Variants in RANBP2 observed in about 807,000 individuals in gnomAD.
RANBP2 encodes E3 SUMO-protein ligase RanBP2.
Under a neutral mutation model 303.6 loss-of-function variants are expected in RANBP2, and 57 were observed. That is an observed-to-expected ratio of 0.19 (90% CI 0.15 to 0.23). The LOEUF (loss-of-function observed/expected upper bound fraction) is 0.23, where lower values mean the gene tolerates loss of function less well. Ranked by LOEUF, RANBP2 falls within the 10% of genes least tolerant of loss-of-function variation. The probability of loss-of-function intolerance (pLI) is 1.00; values close to 1 mark genes in which losing one functional copy is unlikely to be tolerated. For missense variants in RANBP2, 3,138 were observed against 3,780.8 expected (o/e 0.83, Z 4.46); for synonymous variants, 1,167 against 1,301.5 (o/e 0.90, Z 2.23).
At chr2:109,106,289 A>G in the RANBP2 span, among the ~76,000 whole-genome samples, 1 of 152,190 alleles carries the variant, frequency 6.6e-6, no homozygotes, top group Non-Finnish European at 1.5e-5. Context: ...CTGCAGACCC[A>G]TATGGATTTG....
At chr2:108,729,056 A>G (rs1694963559) in intron 1 of RANBP2, 76 bp from the exon 2 acceptor site, 2 of 1,483,924 alleles carry the variant, frequency 1.3e-6, no homozygotes, top group Non-Finnish European at 1.8e-6. Flanking sequence ...AACTTAGGAC[A>G]GATTTTTACT....
At chr2:109,469,459 C>T in the RANBP2 span, among the ~76,000 whole-genome samples, 2 of 152,314 alleles carry the variant, frequency 1.3e-5, no homozygotes, top group African/African-American at 4.8e-5. Flanking sequence ...GACAGTAATG[C>T]CTGTTGTGCA....
At chr2:109,613,284 AGGCGGG>A in the RANBP2 span, 1 of 798,336 alleles carries the variant, frequency 1.3e-6, no homozygotes, top group South Asian at 2.0e-5. Context: ...AAAAGAGTCA[AGGCGGG>A]AAAAAAACGG....
the RANBP2 span, chr2:109,432,612 G>T: frequency 6.2e-7 from 1 of 1,613,232 alleles, no homozygotes; most frequent in Non-Finnish European, 8.5e-7. Context: ...TCAAGGGGGC[G>T]TCTCTGAGGA....
chr2:108,783,790 A>G lies in RANBP2; in HGVS notation c.9564A>G (p.Val3188=). Residue 3188 remains valine (V), a synonymous_variant, in exon 29 of 29, where the codon GTA becomes GTG. Transcript: ENST00000283195. The part of the protein sequence containing the change: ...KAEHLDFKHV[V]FGFVKDGMDT... ...AACATTTGGACTTTAAGCATGTAGTATTTGGGTTTGTTAAGGATGGCATGG... is the reference window on the plus strand; with the variant it reads ...AACATTTGGACTTTAAGCATGTAGTGTTTGGGTTTGTTAAGGATGGCATGG... The G allele has an allele frequency of 6.2e-7, 1 of 1,611,952 alleles. No individual in the cohort carries two copies. The highest frequency in any genetic ancestry group is 1.1e-5 in the South Asian group (1 of 91,048).
the RANBP2 span, among the ~76,000 whole-genome samples, chr2:108,874,218 G>A: frequency 1.3e-5 from 2 of 152,036 alleles, no homozygotes; most frequent in Non-Finnish European, 2.9e-5. Context: ...GTGAATTTAG[G>A]GAATGAGAAT....
downstream of RANBP2, among the ~76,000 whole-genome samples, chr2:108,788,612 CA>C (rs1679353369): frequency 7.0e-6 from 1 of 143,526 alleles, no homozygotes; most frequent in South Asian, 2.3e-4. Flanking sequence ...CCCGGCTACT[CA>C]GGAGGCTGAG....
the RANBP2 span, chr2:108,883,448 T>C: frequency 1.3e-5 from 2 of 152,232 alleles, no homozygotes; most frequent in African/African-American, 4.8e-5. Context: ...CCCTGACATA[T>C]AGATGAGATG....
chr2:109,162,189 G>C, the RANBP2 span, among the ~76,000 whole-genome samples: 1 of 152,166 alleles, frequency 6.6e-6, no homozygotes, highest in East Asian at 1.9e-4. Context: ...CAGATACCAT[G>C]GACCTTACTT....
At chr2:108,874,075 T>C in the RANBP2 span, among the ~76,000 whole-genome samples, 3 of 152,282 alleles carry the variant, frequency 2.0e-5, no homozygotes, top group African/African-American at 7.2e-5. Flanking sequence ...AAATGCTTCA[T>C]ATAAAAGTAA....
chr2:109,625,875 A>G, the RANBP2 span, among the ~76,000 whole-genome samples: 1 of 152,182 alleles, frequency 6.6e-6, no homozygotes, highest in East Asian at 1.9e-4. Context: ...TATTGACCAT[A>G]AAGACCAAAT....
chr2:109,102,283 G>A, the RANBP2 span, among the ~76,000 whole-genome samples: 1 of 151,752 alleles, frequency 6.6e-6, no homozygotes, highest in Non-Finnish European at 1.5e-5. Context: ...TGTATTTTTA[G>A]TAGAGACGGG....
At chr2:109,104,776 C>T in the RANBP2 span, among the ~76,000 whole-genome samples, 2 of 152,200 alleles carry the variant, frequency 1.3e-5, no homozygotes, top group African/African-American at 4.8e-5. Flanking sequence ...AGCTACCGTG[C>T]CCAGCCGGGA....
chr2:108,720,058 C>T (rs568954736), intron 1 of RANBP2: 9 of 984,900 alleles, frequency 9.1e-6, no homozygotes, highest in East Asian at 2.3e-4. Context: ...TTCTTCCCAT[C>T]TCCTGGACAT....
chr2:109,212,123 G>C, the RANBP2 span, among the ~76,000 whole-genome samples: 2 of 152,216 alleles, frequency 1.3e-5, no homozygotes, highest in African/African-American at 2.4e-5. Flanking sequence ...GCCGGGCAAT[G>C]GTCCGAATCG....
At chr2:109,258,470 G>A in the RANBP2 span, among the ~76,000 whole-genome samples, 1 of 152,278 alleles carries the variant, frequency 6.6e-6, no homozygotes, top group South Asian at 2.1e-4. Flanking sequence ...CCTCAGCACA[G>A]CCCACACCTA....
Position 108,782,376 on chromosome 2 carries a change from A to G in RANBP2, c.9009A>G (p.Leu3003=). ...CCTTAAATGTTTCAAATAATGCTTT[A>G]GTTTGGACTGCCTCAGATTATGCTG... The part of the protein sequence containing the change: ...LKPLNVSNNA[L]VWTASDYADG... Residue 3003 remains leucine, a synonymous_variant, in exon 27 of 29, where the codon TTA becomes TTG. Coordinates refer to ENST00000283195, the MANE Select transcript of RANBP2 (RefSeq NM_006267.5). 6.2e-7 allele frequency: 1 copy of G among 1,614,078 alleles called. No individual in the cohort carries two copies. Among genetic ancestry groups the G allele is most frequent in the Non-Finnish European group, 8.5e-7 (1 of 1,180,022 alleles).
At chr2:108,850,197 AG>A in the RANBP2 span, among the ~76,000 whole-genome samples, 1 of 152,226 alleles carries the variant, frequency 6.6e-6, no homozygotes. Context: ...AAATCCTAAG[AG>A]TAGACTTAAC....
At chr2:109,677,546 C>A in the RANBP2 span, among the ~76,000 whole-genome samples, 2 of 152,126 alleles carry the variant, frequency 1.3e-5, no homozygotes, top group Non-Finnish European at 2.9e-5. Flanking sequence ...CTGTATGGGT[C>A]GCCAGAGGTA....
Sources: allele counts gnomAD v4.1 joint callset (sites outside exome capture counted in the v4.1 genomes callset), GRCh38; gene constraint gnomAD v4.1.1; transcripts MANE v1.5; gene names NCBI Gene and HGNC (gene_info 2026-07-23, HGNC 2026-07-21).